The following IL36B variants were observed in gnomAD, a reference collection of about 807,000 sequenced individuals.
IL36B encodes interleukin 36 beta.
A neutral mutation model predicts 19.3 loss-of-function variants in IL36B; 23 were observed. The observed-to-expected ratio is 1.19, with a 90% CI of 0.86 to 1.69. The LOEUF is 1.69. IL36B is among the 40% of genes most tolerant of loss of function. The pLI is 0.00. For missense variants in IL36B, 217 were observed against 200.5 expected, an observed-to-expected ratio of 1.08 and a Z score of -0.50; for synonymous variants, 59 against 59.7, an observed-to-expected ratio of 0.99 and a Z score of 0.05.
intron 1 of IL36B, among the ~76,000 whole-genome samples, chr2:113,052,559 A>G (rs1182182719): frequency 1.3e-5 from 2 of 152,264 alleles, no homozygotes; most frequent in Admixed American, 6.5e-5. Context: ...GAGGCAACAT[A>G]ATAGCTATAT....
intron 5 of IL36B, chr2:113,022,873 G>C (rs371409243): frequency 1.4e-6 from 1 of 734,354 alleles, no homozygotes. Flanking sequence ...ATTCTACACG[G>C]AGGCTCCTGG....
chr2:113,045,648 C>T (rs943190055), intron 1 of IL36B, among the ~76,000 whole-genome samples: 18 of 152,042 alleles, frequency 1.2e-4, no homozygotes, highest in Admixed American at 2.0e-4. Context: ...TTGTATGTGT[C>T]GTATGTCCTT....
intron 5 of IL36B, chr2:113,022,870 A>G: frequency 1.2e-6 from 1 of 800,636 alleles, no homozygotes. Context: ...CAGATTCTAC[A>G]CGGAGGCTCC....
At chr2:113,026,332 A>T (rs6744874) in intron 4 of IL36B, 1,138,150 of 1,544,194 alleles carry the variant, frequency 0.74, 422,957 homozygotes, top group East Asian at 0.93. Context: ...AAAGGCCTGC[A>T]TACAGCATGT....
chr2:113,027,765 G>A (rs918751845), intron 4 of IL36B: 2 of 1,455,584 alleles, frequency 1.4e-6, no homozygotes, highest in Non-Finnish European at 1.8e-6. Context: ...GGAGGAGGTG[G>A]CTTTTGGATA....
chr2:113,040,100 A>G (rs2862774), intron 1 of IL36B, among the ~76,000 whole-genome samples: 1 of 152,184 alleles, frequency 6.6e-6, no homozygotes, highest in African/African-American at 2.4e-5. Context: ...ATGAAGACCA[A>G]TGCTGAAATT....
intron 5 of IL36B, chr2:113,026,007 G>T: frequency 6.6e-7 from 1 of 1,517,590 alleles, no homozygotes; most frequent in Middle Eastern, 1.8e-4. Context: ...GGGTGATTAT[G>T]TCTCAATACT....
chr2:113,031,279 C>T (rs1337432590), intron 2 of IL36B, 124 bp from the exon 3 acceptor site: 6 of 694,272 alleles, frequency 8.6e-6, no homozygotes, highest in Non-Finnish European at 1.6e-5. Context: ...GAAGTAGTGG[C>T]TATAACGATA....
intron 1 of IL36B, among the ~76,000 whole-genome samples, chr2:113,051,117 G>C (rs929350276): frequency 2.0e-5 from 3 of 152,212 alleles, no homozygotes; most frequent in Admixed American, 1.3e-4. Flanking sequence ...GCCCCCTGCC[G>C]GTAGATCCTG....
At chr2:113,032,716 T>A (rs1303297874) in intron 1 of IL36B, among the ~76,000 whole-genome samples, 1 of 152,194 alleles carries the variant, frequency 6.6e-6, no homozygotes, top group Non-Finnish European at 1.5e-5. Context: ...TGCATGTAAG[T>A]GGTCTAGCTG....
At chr2:113,040,989 C>T (rs1558835849) in intron 1 of IL36B, among the ~76,000 whole-genome samples, 1 of 151,982 alleles carries the variant, frequency 6.6e-6, no homozygotes, top group African/African-American at 2.4e-5. Flanking sequence ...CACCCTGTCT[C>T]TAAAAAAACA....
chr2:113,031,196 T>C, intron 2 of IL36B, 41 bp from the exon 3 acceptor site: 5 of 1,372,018 alleles, frequency 3.6e-6, no homozygotes, highest in Non-Finnish European at 5.2e-6. Context: ...CGTGAGGTTA[T>C]CAACTTCAGG....
chr2:113,047,179 T>A (rs1685364469), intron 1 of IL36B, among the ~76,000 whole-genome samples: 1 of 152,358 alleles, frequency 6.6e-6, no homozygotes, highest in East Asian at 1.9e-4. Context: ...TGGATTTTTT[T>A]AAGTATTTCC....
At chr2:113,031,905 A>G in intron 1 of IL36B, 139 bp from the exon 2 acceptor site, 1 of 571,612 alleles carries the variant, frequency 1.7e-6, no homozygotes. Context: ...ATTTGAGAAT[A>G]AGGATGGGTA....
chr2:113,033,098 CA>C (rs1421966158), intron 1 of IL36B, among the ~76,000 whole-genome samples: 1 of 152,226 alleles, frequency 6.6e-6, no homozygotes, highest in Non-Finnish European at 1.5e-5. Context: ...TTAGGCCAAT[CA>C]CAGTACTCCT....
chr2:113,041,232 T>C (rs1685251657), intron 1 of IL36B, among the ~76,000 whole-genome samples: 1 of 150,776 alleles, frequency 6.6e-6, no homozygotes, highest in Admixed American at 6.6e-5. Flanking sequence ...GAAATCACTA[T>C]CTGTACCACA....
intron 3 of IL36B, among the ~76,000 whole-genome samples, chr2:113,029,756 G>A (rs890928506): frequency 8.5e-5 from 13 of 152,176 alleles, no homozygotes; most frequent in Non-Finnish European, 1.8e-4. Flanking sequence ...CAGAGTGAAT[G>A]AGTGTAGGGG....
chr2:113,048,780 C>T (rs945143483), intron 1 of IL36B, among the ~76,000 whole-genome samples: 7 of 152,170 alleles, frequency 4.6e-5, no homozygotes, highest in Non-Finnish European at 7.4e-5. Context: ...CTACTGATTA[C>T]ACATACTTTA....
intron 1 of IL36B, among the ~76,000 whole-genome samples, chr2:113,048,127 T>A (rs1175171246): frequency 6.6e-6 from 1 of 152,206 alleles, no homozygotes. Context: ...TCTTGAAATA[T>A]AAAACTGTAG....
Sources: allele counts gnomAD v4.1 joint callset (sites outside exome capture counted in the v4.1 genomes callset), GRCh38; gene constraint gnomAD v4.1.1; transcripts MANE v1.5; gene names NCBI Gene and HGNC (gene_info 2026-07-23, HGNC 2026-07-21).